The following WWOX variants were observed in gnomAD, a reference collection of about 807,000 sequenced individuals.
The protein encoded by WWOX is WW domain containing oxidoreductase, also known as WW domain-containing oxidoreductase.
WWOX carries 69 observed loss-of-function variants against 46.2 expected under a neutral mutation model. The observed-to-expected ratio is 1.49, with a 90% CI of 1.23 to 1.82. WWOX has a LOEUF of 1.82. Ranked by LOEUF, WWOX falls within the 40% of genes most tolerant of loss-of-function variation. The pLI is 0.00. For synonymous variants in WWOX, 359 were observed against 202.6 expected (o/e 1.77, Z -6.56); for missense variants, 919 against 542.6 (o/e 1.69, Z -6.89).
intron 8 of WWOX, among the ~76,000 whole-genome samples, chr16:78,532,701 C>T (rs932056336): frequency 1.3e-5 from 2 of 152,126 alleles, no homozygotes; most frequent in African/African-American, 4.8e-5. Flanking sequence ...CACATGGCAG[C>T]AGGCAAGAAA....
At position 78,432,512 on chromosome 16, in the gene WWOX, G is replaced by T. The variant is rs186745328; in HGVS notation, c.816G>T (p.Leu272Phe). 8,263 of 1,614,110 alleles carry T rather than the reference G, an allele frequency of 5.1e-3. 30 individuals are homozygous for T. The highest frequency in any genetic ancestry group is 6.5e-3 in the Non-Finnish European group (7,634 of 1,180,020). Residue 272 changes from leucine (L) to phenylalanine (F), a missense_variant, in exon 8 of 9, where the codon TTG becomes TTT. By Grantham distance (22) the Leu-to-Phe change is conservative. Transcript: ENST00000566780. ...SHRFTDINDS[L>F]GKLDFSRLSP... ...GATTTACAGATATTAACGACTCCTTGGGAAAACTGGACTTCAGTCGCCTCT... is the reference window on the plus strand; with the variant it reads ...GATTTACAGATATTAACGACTCCTTTGGAAAACTGGACTTCAGTCGCCTCT...
At chr16:78,819,840 C>T (rs1006381899) in intron 8 of WWOX, among the ~76,000 whole-genome samples, 6 of 152,222 alleles carry the variant, frequency 3.9e-5, no homozygotes, top group Admixed American at 1.3e-4. Flanking sequence ...CGTGTTTGCG[C>T]CAGTGAGACT....
intron 8 of WWOX, among the ~76,000 whole-genome samples, chr16:78,556,964 C>T (rs1373187909): frequency 1.3e-5 from 2 of 152,106 alleles, no homozygotes; most frequent in East Asian, 3.9e-4. Context: ...GGTGATTCAC[C>T]CACCTCAGCC....
At chr16:78,294,595 G>A (rs2079913066) in intron 5 of WWOX, among the ~76,000 whole-genome samples, 1 of 152,046 alleles carries the variant, frequency 6.6e-6, no homozygotes, top group Admixed American at 6.6e-5. Flanking sequence ...GTGTGTGTAT[G>A]TATGTCCCCA....
intron 8 of WWOX, among the ~76,000 whole-genome samples, chr16:78,914,129 G>A (rs1196872820): frequency 1.3e-5 from 2 of 151,990 alleles, no homozygotes; most frequent in Non-Finnish European, 2.9e-5. Context: ...GTCTTTCCTG[G>A]CTATCCTGTC....
At chr16:78,614,075 A>T (rs2550583) in intron 8 of WWOX, among the ~76,000 whole-genome samples, 1 of 152,012 alleles carries the variant, frequency 6.6e-6, no homozygotes, top group South Asian at 2.1e-4. Flanking sequence ...TGAACCTTGC[A>T]TGTTGTGTCA....
chr16:79,067,493 C>G (rs2048463259), intron 8 of WWOX, among the ~76,000 whole-genome samples: 1 of 152,068 alleles, frequency 6.6e-6, no homozygotes, highest in Non-Finnish European at 1.5e-5. Flanking sequence ...GAGGGCTACC[C>G]CTTTACCCTT....
chr16:79,120,947 T>C (rs2049617920), intron 8 of WWOX, among the ~76,000 whole-genome samples: 1 of 152,038 alleles, frequency 6.6e-6, no homozygotes, highest in Non-Finnish European at 1.5e-5. Context: ...TTTTGTATTT[T>C]TAGTAGAGAC....
intron 8 of WWOX, among the ~76,000 whole-genome samples, chr16:79,181,905 G>A (rs1248730479): frequency 6.6e-6 from 1 of 152,204 alleles, no homozygotes; most frequent in Non-Finnish European, 1.5e-5. Flanking sequence ...CTGGGATAGA[G>A]CATTGTTATT....
intron 5 of WWOX, among the ~76,000 whole-genome samples, chr16:78,236,077 A>C (rs558239937): frequency 4.6e-5 from 7 of 152,354 alleles, no homozygotes; most frequent in African/African-American, 1.2e-4. Flanking sequence ...TTATAGGAAC[A>C]GGCAGTGGGC....
intron 6 of WWOX, among the ~76,000 whole-genome samples, chr16:78,400,613 C>T (rs1009600225): frequency 2.0e-5 from 3 of 151,928 alleles, no homozygotes; most frequent in Non-Finnish European, 4.4e-5. Context: ...TCTCCTCTTA[C>T]CATCCTAAGG....
intron 8 of WWOX, chr16:78,899,152 A>G (rs1283567846): frequency 6.6e-6 from 1 of 152,106 alleles, no homozygotes; most frequent in Non-Finnish European, 1.5e-5. Context: ...GACAGACATC[A>G]TTGCTTTATT....
chr16:78,214,216 G>A (rs571033876), intron 5 of WWOX, among the ~76,000 whole-genome samples: 37 of 152,224 alleles, frequency 2.4e-4, no homozygotes, highest in African/African-American at 4.1e-4. Context: ...CAAAGTCACC[G>A]CAGCTCCTCT....
chr16:78,317,280 T>A (rs2080374082), intron 5 of WWOX, among the ~76,000 whole-genome samples: 1 of 152,154 alleles, frequency 6.6e-6, no homozygotes, highest in Non-Finnish European at 1.5e-5. Flanking sequence ...TCTCTCTCTC[T>A]GTCTGTCTCT....
chr16:78,156,495 T>C (rs2034604343), intron 4 of WWOX, among the ~76,000 whole-genome samples: 1 of 152,224 alleles, frequency 6.6e-6, no homozygotes, highest in South Asian at 2.1e-4. Flanking sequence ...AGTCCAGAGC[T>C]GCAGCCTATT....
At chr16:78,565,851 C>G in intron 8 of WWOX, among the ~76,000 whole-genome samples, 1 of 151,356 alleles carries the variant, frequency 6.6e-6, no homozygotes, top group Non-Finnish European at 1.5e-5. Flanking sequence ...TGTCCCAGCT[C>G]CATCTCTCAG....
rs142902141 is a variant in WWOX at position 78,229,838 on chromosome 16, T to A, written c.516+65549T>A. Among the ~76,000 whole-genome samples, 18 of 152,150 alleles carry A rather than the reference T, an allele frequency of 1.2e-4. No homozygotes were observed. In the East Asian group the frequency reaches 1.5e-3, roughly 13 times the overall value. On this transcript the variant is annotated intron_variant, in intron 5 of 8. Coordinates refer to ENST00000566780, the MANE Select transcript of WWOX (RefSeq NM_016373.4). Reference sequence around the variant, plus strand: ...TTGTTCTTTCTCCCCAAGAGCCATATCTCAGCTATTTCTTTTCATTTCTTG... The same window carrying A: ...TTGTTCTTTCTCCCCAAGAGCCATAACTCAGCTATTTCTTTTCATTTCTTG...
intron 8 of WWOX, among the ~76,000 whole-genome samples, chr16:78,744,974 A>G (rs893969948): frequency 6.6e-6 from 1 of 152,162 alleles, no homozygotes; most frequent in Non-Finnish European, 1.5e-5. Context: ...AGCTGACTTC[A>G]TCATGACTCC....
chr16:78,768,342 C>T (rs753271749), intron 8 of WWOX, among the ~76,000 whole-genome samples: 1 of 145,006 alleles, frequency 6.9e-6, no homozygotes, highest in African/African-American at 2.5e-5. Context: ...GTACTCCCAG[C>T]ACTTTGGGAG....
Sources: allele counts gnomAD v4.1 joint callset (sites outside exome capture counted in the v4.1 genomes callset), GRCh38; gene constraint gnomAD v4.1.1; transcripts MANE v1.5; gene names NCBI Gene and HGNC (gene_info 2026-07-23, HGNC 2026-07-21).